GATA4: variants seen among roughly 807,000 people sequenced by gnomAD.
GATA4 encodes the protein GATA binding protein 4.
Under a neutral mutation model 37.9 loss-of-function variants are expected in GATA4, and 7 were observed. That is an observed-to-expected ratio of 0.18 (90% confidence interval 0.11 to 0.35). The LOEUF (loss-of-function observed/expected upper bound fraction) is 0.35, where lower values mean the gene tolerates loss of function less well. Ranked by LOEUF, GATA4 falls within the 10% of genes least tolerant of loss-of-function variation. The probability of loss-of-function intolerance (pLI) is 1.00; values close to 1 mark genes in which losing one functional copy is unlikely to be tolerated. For missense variants in GATA4, 647 were observed against 653.0 expected (o/e 0.99, Z 0.10); for synonymous variants, 372 against 292.6 (o/e 1.27, Z -2.77).
At position 11,698,040 on chromosome 8, in the gene GATA4, G is replaced by T. The variant is rs181262120; in HGVS notation, c.-728-2468G>T. The stretch of plus-strand genomic sequence containing the variant: ...GAGCCCTGGACTCTGGGTTGACCTC[G>T]TCCCGGTCGGGTTCTCTCTCCTCCC... On this transcript the variant is annotated intron_variant, in intron 1 of 2. Transcript: ENST00000526974. The T allele has an allele frequency of 5.9e-5, 58 of 983,654 alleles. No homozygotes were observed. In the African/African-American group the frequency reaches 9.9e-4, roughly 17 times the overall value. 60.9% of individuals were successfully genotyped at this position (983,654 alleles called of 1,614,324 possible).
intron 1 of GATA4, among the ~76,000 whole-genome samples, chr8:11,677,398 A>G (rs10102524): frequency 0.66 from 100,369 of 152,136 alleles, 34,186 homozygotes; most frequent in East Asian, 0.96. Flanking sequence ...TTCCCACTCC[A>G]ACAACTGGAA....
rs1372243449 is a variant in GATA4 at position 11,696,389 on chromosome 8, C to G, written c.-729+3729C>G. Among the ~76,000 whole-genome samples, 7 of 150,794 alleles carry G rather than the reference C, an allele frequency of 4.6e-5. No individual in the cohort carries two copies. The East Asian group carries it at 1.2e-3, about 25-fold the overall frequency. On this transcript the variant is annotated intron_variant, in intron 1 of 2. Transcript: ENST00000526974. ...TTTTGTCTATCATCTTTTGAATATT[C>G]TTTTACTTAGCTGAATGCATTCGAG...
intron 1 of GATA4, among the ~76,000 whole-genome samples, chr8:11,677,952 G>A (rs1283284852): frequency 6.6e-6 from 1 of 151,624 alleles, no homozygotes; most frequent in Non-Finnish European, 1.5e-5. Flanking sequence ...TTCCTACAAA[G>A]CCAAAGTCTG....
intron 2 of GATA4, among the ~76,000 whole-genome samples, chr8:11,731,502 C>G (rs968180907): frequency 4.6e-5 from 7 of 152,228 alleles, no homozygotes; most frequent in African/African-American, 1.4e-4. Context: ...TATGATCCCA[C>G]TTCTGTGGGG....
At chr8:11,679,129 G>T (rs4840575) in intron 1 of GATA4, among the ~76,000 whole-genome samples, 37,217 of 144,818 alleles carry the variant, frequency 0.26, 5,903 homozygotes, top group East Asian at 0.74. Flanking sequence ...ATCTCCAATT[G>T]TCTAAACACT....
rs531787322 is a variant in GATA4 at position 11,715,736 on chromosome 8, A to G, written c.616+6808A>G. On this transcript the variant is annotated intron_variant, in intron 2 of 6. Coordinates refer to ENST00000532059, the MANE Select transcript of GATA4 (RefSeq NM_001308093.3). The stretch of plus-strand genomic sequence containing the variant: ...AGCCTGGGCGACAGAGCAAGACTCC[A>G]TCTCAGAAAAAAAAAACAACTCAAA... Among the ~76,000 whole-genome samples, 286 of 152,078 alleles carry G rather than the reference A, an allele frequency of 1.9e-3. 1 individual carries two copies. Among genetic ancestry groups the G allele is most frequent in the African/African-American group, 6.6e-3 (272 of 41,486 alleles).
rs1802215277 is a variant in GATA4, at chr8:11,749,936, GT to G, written c.787-174del. 6.6e-6 allele frequency among the ~76,000 whole-genome samples: 1 copy of G among 152,224 alleles called. No individual in the cohort carries two copies. The highest frequency in any genetic ancestry group is 1.5e-5 in the Non-Finnish European group (1 of 68,030). ...ACCTTGTTCTGATTTATTCCTCGCA[GT>G]GGCGCAGGTGACAGGAGAGTTAGGT... is the stretch of plus-strand genomic sequence containing the variant. On this transcript the variant is annotated intron_variant, in intron 3 of 6. Coordinates refer to ENST00000532059, the MANE Select transcript of GATA4 (RefSeq NM_001308093.3). The surrounding 1 kb of genome is among the most constrained non-coding windows in gnomAD (Gnocchi z 4.6).
At chr8:11,677,899 T>C (rs991587162) in intron 1 of GATA4, among the ~76,000 whole-genome samples, 3 of 151,996 alleles carry the variant, frequency 2.0e-5, no homozygotes, top group African/African-American at 7.2e-5. Context: ...GCTAATGCTT[T>C]TGGTTGCACA....
intron 1 of GATA4, chr8:11,681,090 G>T (rs1473278887): frequency 2.1e-6 from 2 of 972,572 alleles, no homozygotes; most frequent in Non-Finnish European, 2.4e-6. Context: ...AGGGGCATGG[G>T]TGGCGCCCCA....
chr8:11,723,428 A>G (rs1200706263), intron 2 of GATA4, among the ~76,000 whole-genome samples: 2 of 152,092 alleles, frequency 1.3e-5, no homozygotes, highest in African/African-American at 4.8e-5. Flanking sequence ...AGATTGTCCT[A>G]TCTTTGCTAG....
At chr8:11,677,771 G>C (rs948432608) in intron 1 of GATA4, among the ~76,000 whole-genome samples, 1 of 152,096 alleles carries the variant, frequency 6.6e-6, no homozygotes, top group Non-Finnish European at 1.5e-5. Context: ...TTTAATTTCC[G>C]ATTATTCTGG....
At chr8:11,702,892 C>T (rs1388700822), upstream of GATA4, among the ~76,000 whole-genome samples, 2 of 152,214 alleles carry the variant, frequency 1.3e-5, no homozygotes, top group Non-Finnish European at 2.9e-5. The surrounding 1 kb of genome is among the most constrained non-coding windows in gnomAD (Gnocchi z 4.4). Flanking sequence ...CGCGCAGCCG[C>T]GCTCGTTTCT....
chr8:11,755,365 A>G (rs890660993), intron 5 of GATA4, among the ~76,000 whole-genome samples: 3 of 152,188 alleles, frequency 2.0e-5, no homozygotes, highest in Non-Finnish European at 4.4e-5. Flanking sequence ...GGGCCTGATC[A>G]TTGCCGACTG....
intron 1 of GATA4, among the ~76,000 whole-genome samples, chr8:11,687,138 G>A (rs1339640642): frequency 6.6e-6 from 1 of 152,170 alleles, no homozygotes; most frequent in Non-Finnish European, 1.5e-5. Flanking sequence ...TGAGAAGTGA[G>A]GAGGACACAG....
Position 11,708,319 on chromosome 8 carries a change from C to G in GATA4, c.7C>G (p.Gln3Glu). The G allele has an allele frequency of 1.9e-6, 3 of 1,584,088 alleles. No homozygotes were observed. Among genetic ancestry groups the G allele is most frequent in the Non-Finnish European group, 2.6e-6 (3 of 1,172,852 alleles). Reference sequence around the variant, plus strand: ...CCGGGAGCTCGCAGGGACCATGTATCAGAGCTTGGCCATGGCCGCCAACCA... The same window carrying G: ...CCGGGAGCTCGCAGGGACCATGTATGAGAGCTTGGCCATGGCCGCCAACCA... MY[Q>E]SLAMAANHGP... is the part of the protein sequence containing the mutation. The change falls in exon 2 of 7, where the codon CAG (glutamine) becomes GAG (glutamate). Residue 3 changes from glutamine (Q) to glutamate (E), a missense_variant. Coordinates refer to ENST00000532059, the MANE Select transcript of GATA4 (RefSeq NM_001308093.3). This position sits in a 1 kb window ranked among gnomAD's most constrained non-coding sequence, Gnocchi z 6.7.
At chr8:11,728,235 G>A (rs754063409) in intron 2 of GATA4, among the ~76,000 whole-genome samples, 21 of 152,272 alleles carry the variant, frequency 1.4e-4, no homozygotes, top group African/African-American at 4.1e-4. Flanking sequence ...GTGATCCACC[G>A]CCCTTGACCT....
chr8:11,744,138 G>C (rs1801910765), intron 2 of GATA4, among the ~76,000 whole-genome samples: 1 of 152,126 alleles, frequency 6.6e-6, no homozygotes, highest in Non-Finnish European at 1.5e-5. Flanking sequence ...AGTGGTTTAA[G>C]AAAGGTCAGA....
intron 1 of GATA4, chr8:11,693,057 C>T: frequency 1.0e-6 from 1 of 985,404 alleles, no homozygotes; most frequent in South Asian, 4.7e-5. Flanking sequence ...TGGAGTGGGC[C>T]GGCAGCGTTT....
chr8:11,697,195 G>C (rs1215730486), intron 1 of GATA4, among the ~76,000 whole-genome samples: 2 of 152,208 alleles, frequency 1.3e-5, no homozygotes, highest in Admixed American at 1.3e-4. Flanking sequence ...TGCAGAACAG[G>C]GGGCAGCACC....
Sources: gnomAD v4.1 joint callset for allele counts (sites outside exome capture counted in the v4.1 genomes callset) on GRCh38, gnomAD v4.1.1 for gene constraint, Gnocchi (gnomAD v3.1) non-coding constraint, MANE v1.5 for transcripts, NCBI Gene and HGNC (gene_info 2026-07-23, HGNC 2026-07-21) for gene names.